PCDHA7: variants seen among roughly 807,000 people sequenced by gnomAD.
The protein encoded by PCDHA7 is protocadherin alpha-7.
In PCDHA7, 37 loss-of-function variants were observed where a neutral mutation model predicts 57.2. That is an observed-to-expected ratio of 0.65 (90% CI 0.50 to 0.85). The LOEUF is 0.85. Ranked by LOEUF, PCDHA7 falls within the 40% of genes least tolerant of loss-of-function variation. The pLI is 0.00. For missense variants in PCDHA7, 1,188 were observed against 1,241.8 expected (o/e 0.96, Z 0.65); for synonymous variants, 553 against 558.8 (o/e 0.99, Z 0.15).
rs782343997 is a variant in PCDHA7 at position 140,882,709 on chromosome 5, T to C, written c.2355+45971T>C. 6 of 1,614,022 alleles carry C rather than the reference T, an allele frequency of 3.7e-6. No homozygotes were observed. In the Admixed American group the frequency reaches 6.7e-5, roughly 18 times the overall value. ...GAATAATCATTGCAGAATCTAGACC[T>C]CCGGAAACTCGATTTCCACTAGATG... is the stretch of plus-strand genomic sequence containing the variant. On this transcript the variant is annotated intron_variant, in intron 1 of 3. Coordinates refer to ENST00000525929, the MANE Select transcript of PCDHA7 (RefSeq NM_018910.3).
At chr5:140,983,865 GC>G (rs2097073239) in intron 3 of PCDHA7, among the ~76,000 whole-genome samples, 1 of 152,120 alleles carries the variant, frequency 6.6e-6, no homozygotes, top group Admixed American at 6.5e-5. Context: ...GCAGCTAAGG[GC>G]CCATTTTTAC....
intron 1 of PCDHA7, chr5:140,928,095 G>T (rs782045221): frequency 1.9e-6 from 3 of 1,614,190 alleles, no homozygotes; most frequent in Non-Finnish European, 1.7e-6. Flanking sequence ...TGATTGATGG[G>T]CCCCTGGACC....
intron 1 of PCDHA7, chr5:140,877,503 G>A (rs1056644080): frequency 3.6e-5 from 58 of 1,613,716 alleles, no homozygotes; most frequent in Non-Finnish European, 4.8e-5. Context: ...AGGCCCCAAA[G>A]ACGTCGTCGC....
At chr5:140,854,384 C>T (rs1268523616) in intron 1 of PCDHA7, 1 of 155,336 alleles carries the variant, frequency 6.4e-6, no homozygotes, top group Non-Finnish European at 1.4e-5. Flanking sequence ...TAACTCATTA[C>T]ATTTTAATTC....
chr5:140,941,214 C>CCCTTCTTTCTTTCTTTCTTTCTTT (rs2092871784), intron 1 of PCDHA7, among the ~76,000 whole-genome samples: 1 of 122,414 alleles, frequency 8.2e-6, no homozygotes, highest in Non-Finnish European at 1.7e-5. Flanking sequence ...TTTCTTTCTT[C>CCCTTCTTTCTTTCTTTCTTTCTTT]CTTTCTTTCT....
chr5:140,852,750 G>A (rs1477121492), intron 1 of PCDHA7: 2 of 984,026 alleles, frequency 2.0e-6, no homozygotes, highest in African/African-American at 3.5e-5. Flanking sequence ...TTTAAACTTG[G>A]ACCCAGGTAT....
intron 2 of PCDHA7, among the ~76,000 whole-genome samples, chr5:140,980,402 T>G (rs1019891422): frequency 2.0e-5 from 3 of 152,020 alleles, no homozygotes; most frequent in African/African-American, 7.2e-5. Context: ...GAGGCCGAGG[T>G]GGGCAGATCA....
intron 3 of PCDHA7, among the ~76,000 whole-genome samples, chr5:140,985,897 T>G (rs1037239723): frequency 1.3e-5 from 2 of 151,648 alleles, no homozygotes; most frequent in Non-Finnish European, 2.9e-5. Context: ...CCGCCACCAC[T>G]CCCGTCTAAT....
At chr5:140,985,739 C>CA (rs781951589) in intron 3 of PCDHA7, among the ~76,000 whole-genome samples, 2 of 117,920 alleles carry the variant, frequency 1.7e-5, no homozygotes, top group Non-Finnish European at 3.4e-5. Flanking sequence ...TGATGAATTC[C>CA]TTTTTTTTTT....
intron 1 of PCDHA7, among the ~76,000 whole-genome samples, chr5:140,903,368 A>G (rs1554190936): frequency 6.6e-6 from 1 of 152,234 alleles, no homozygotes; most frequent in Non-Finnish European, 1.5e-5. Flanking sequence ...TCAAAAATAT[A>G]GGGAGGATTG....
At chr5:140,960,785 A>C (rs1452809407) in intron 1 of PCDHA7, among the ~76,000 whole-genome samples, 2 of 152,200 alleles carry the variant, frequency 1.3e-5, no homozygotes, top group Admixed American at 1.3e-4. Context: ...AGGGCCAAAC[A>C]AGGTTTCTAT....
rs997332881 is a variant in PCDHA7 at position 140,887,348 on chromosome 5, G to A, written c.2355+50610G>A. On this transcript the variant is annotated intron_variant, in intron 1 of 3. Transcript: ENST00000525929. ...CCTGACCTCGTGATCCACCTGGCTCGGCCTCCCAAAGTGCTGGGATTACAG... is the reference window on the plus strand; with the variant it reads ...CCTGACCTCGTGATCCACCTGGCTCAGCCTCCCAAAGTGCTGGGATTACAG... Among the ~76,000 whole-genome samples, 8 of 151,974 alleles carry A rather than the reference G, an allele frequency of 5.3e-5. 1 individual carries two copies. The highest frequency in any genetic ancestry group is 8.8e-5 in the Non-Finnish European group (6 of 67,980).
rs1554177749 is a variant in PCDHA7 at position 140,883,345 on chromosome 5, C to T, written c.2355+46607C>T. The T allele has an allele frequency of 1.9e-6, 3 of 1,614,050 alleles. No homozygotes were observed. In the African/African-American group the frequency reaches 4.0e-5, roughly 22 times the overall value. On this transcript the variant is annotated intron_variant, in intron 1 of 3. Transcript: ENST00000525929. ...CCATCACTTCTTTGTCACTCCCCAT[C>T]AGAGAAGACACTCAGCCTAGCGCCA...
At chr5:140,970,464 G>T (rs2096408291) in intron 1 of PCDHA7, among the ~76,000 whole-genome samples, 1 of 152,154 alleles carries the variant, frequency 6.6e-6, no homozygotes, top group African/African-American at 2.4e-5. Flanking sequence ...ATTTAAGTAG[G>T]TATAAGGCCA....
Position 140,882,245 on chromosome 5 carries a change from G to C in PCDHA7, c.2355+45507G>C, listed in dbSNP as rs376978051. Reference sequence around the variant, plus strand: ...TAAGGCGTTGTATATATTGCAGATAGCTCTGAGGTTTTTGGAGTGTACCAT... The same window carrying C: ...TAAGGCGTTGTATATATTGCAGATACCTCTGAGGTTTTTGGAGTGTACCAT... On this transcript the variant is annotated intron_variant, in intron 1 of 3. Coordinates refer to ENST00000525929, the MANE Select transcript of PCDHA7 (RefSeq NM_018910.3). 82 of 1,592,614 alleles carry C rather than the reference G, an allele frequency of 5.1e-5. No homozygotes were observed. In the African/African-American group the frequency reaches 9.3e-4, roughly 18 times the overall value.
chr5:140,976,353 C>T (rs1401617354), intron 1 of PCDHA7, among the ~76,000 whole-genome samples: 2 of 151,992 alleles, frequency 1.3e-5, no homozygotes, highest in African/African-American at 2.4e-5. Context: ...GTGTTCAAGA[C>T]CAGCCTGGCC....
intron 1 of PCDHA7, chr5:140,870,846 G>T: frequency 6.2e-7 from 1 of 1,613,860 alleles, no homozygotes; most frequent in Non-Finnish European, 8.5e-7. Context: ...AGCTAGTACC[G>T]CGGTCGGTGG....
At position 140,914,532 on chromosome 5, in the gene PCDHA7, A is replaced by G. The variant is rs1440968686; in HGVS notation, c.2356-64417A>G. ...GTCATGTTTTTTCATCCATTCAGCC[A>G]CTTTATTTCTTTTTATTGGAGAGTT... On this transcript the variant is annotated intron_variant, in intron 1 of 3. Coordinates refer to ENST00000525929, the MANE Select transcript of PCDHA7 (RefSeq NM_018910.3). Among the ~76,000 whole-genome samples the G allele has an allele frequency of 3.3e-5, 5 of 152,070 alleles. 1 individual carries two copies. Among genetic ancestry groups the G allele is most frequent in the Admixed American group, 3.3e-4 (5 of 15,252 alleles).
intron 1 of PCDHA7, chr5:140,878,055 C>T: frequency 2.2e-6 from 1 of 449,762 alleles, no homozygotes; most frequent in Non-Finnish European, 3.6e-6. Context: ...GAGCACCACA[C>T]TTAATATTTT....
Sources: allele counts gnomAD v4.1 joint callset (sites outside exome capture counted in the v4.1 genomes callset), GRCh38; gene constraint gnomAD v4.1.1; transcripts MANE v1.5; gene names NCBI Gene and HGNC (gene_info 2026-07-23, HGNC 2026-07-21).